Variants in RCHY1 observed in about 807,000 individuals in gnomAD.
RCHY1 encodes the protein RING finger and CHY zinc finger domain-containing protein 1.
A neutral mutation model predicts 41.6 loss-of-function variants in RCHY1; 21 were observed. The observed-to-expected ratio is 0.51, with a 90% confidence interval of 0.36 to 0.73. The LOEUF (loss-of-function observed/expected upper bound fraction) is 0.73, where lower values mean the gene tolerates loss of function less well. RCHY1 is among the 30% of genes least tolerant of loss of function. The pLI is 0.00. For synonymous variants in RCHY1, 79 were observed against 102.9 expected, an observed-to-expected ratio of 0.77 and a Z score of 1.41; for missense variants, 265 against 325.3, an observed-to-expected ratio of 0.81 and a Z score of 1.43.
intron 3 of RCHY1, among the ~76,000 whole-genome samples, chr4:75,497,299 T>G (rs1723304684): frequency 6.6e-6 from 1 of 152,182 alleles, no homozygotes; most frequent in African/African-American, 2.4e-5. Flanking sequence ...TGTACATAGT[T>G]AACTGTAACC....
chr4:75,492,612 A>G (rs143844917), intron 4 of RCHY1, among the ~76,000 whole-genome samples: 2,137 of 152,034 alleles, frequency 0.014, 29 homozygotes, highest in Middle Eastern at 0.031. Flanking sequence ...TGTGCCATGG[A>G]AGACTCCCAG....
intron 1 of RCHY1, among the ~76,000 whole-genome samples, chr4:75,511,315 GC>G (rs1724853841): frequency 6.6e-6 from 1 of 152,098 alleles, no homozygotes; most frequent in Admixed American, 6.6e-5. Flanking sequence ...CCTCACAAAA[GC>G]TAGTAAAAGT....
Position 75,489,668 on chromosome 4 carries a change from C to T in RCHY1, c.657+913G>A, listed in dbSNP as rs550659506. The stretch of plus-strand genomic sequence containing the variant: ...AATAAATAGAATCTCATGTATCTTC[C>T]ACTACCAAACTCTGATATGACTAAA... On this transcript the variant is annotated intron_variant, in intron 8 of 8. Coordinates refer to ENST00000324439, the MANE Select transcript of RCHY1 (RefSeq NM_015436.4). Among the ~76,000 whole-genome samples, 4 of 152,294 alleles carry T rather than the reference C, an allele frequency of 2.6e-5. No homozygotes were observed. The South Asian group carries it at 8.3e-4, about 32-fold the overall frequency.
intron 3 of RCHY1, among the ~76,000 whole-genome samples, chr4:75,506,704 G>T (rs1217314367): frequency 1.3e-5 from 2 of 151,462 alleles, no homozygotes; most frequent in Non-Finnish European, 2.9e-5. Context: ...AGAAGAGGTG[G>T]GAAAACGGTA....
intron 1 of RCHY1, among the ~76,000 whole-genome samples, chr4:75,510,183 T>C (rs1230693810): frequency 6.6e-6 from 1 of 152,146 alleles, no homozygotes; most frequent in Non-Finnish European, 1.5e-5. Flanking sequence ...TGGGCACAAT[T>C]GTTCAGCTAT....
At chr4:75,505,749 T>C (rs1328532379) in intron 3 of RCHY1, among the ~76,000 whole-genome samples, 1 of 152,122 alleles carries the variant, frequency 6.6e-6, no homozygotes, top group Non-Finnish European at 1.5e-5. Flanking sequence ...AAAAACTCAA[T>C]TTAAAGAAAA....
In RCHY1 at chr4:75,514,319, T is replaced by C; in HGVS notation, c.-33A>G. On this transcript the variant is annotated 5_prime_UTR_variant, in exon 1 of 9. Transcript: ENST00000324439. Reference sequence around the variant, plus strand: ...ACCTCCCCTCACATTCCACCGATCCTTCCCCCAGGATAAAAACCACGCCCA... The same window carrying C: ...ACCTCCCCTCACATTCCACCGATCCCTCCCCCAGGATAAAAACCACGCCCA... 1 of 1,597,054 alleles carries C rather than the reference T, an allele frequency of 6.3e-7. No homozygotes were observed. Among genetic ancestry groups the C allele is most frequent in the Non-Finnish European group, 8.6e-7 (1 of 1,167,238 alleles).
chr4:75,509,665 G>C (rs1201262956), intron 1 of RCHY1: 1 of 179,934 alleles, frequency 5.6e-6, no homozygotes. Context: ...GAGGGACTTA[G>C]AAGGAGGTAA....
At chr4:75,500,656 G>C (rs1723662377) in intron 3 of RCHY1, among the ~76,000 whole-genome samples, 1 of 152,180 alleles carries the variant, frequency 6.6e-6, no homozygotes, top group South Asian at 2.1e-4. Context: ...CTCCAGATGA[G>C]AGTCAGATAT....
rs532274054 is a variant in RCHY1 at position 75,514,271 on chromosome 4, G to C, written c.16C>G (p.Arg6Gly). 4 of 1,612,362 alleles carry C rather than the reference G, an allele frequency of 2.5e-6. No individual in the cohort carries two copies. Among genetic ancestry groups the C allele is most frequent in the Non-Finnish European group, 3.4e-6 (4 of 1,178,622 alleles). ...TCTTGACCGCTGGCGCCATCTTCCCGGGCCGTCGCCGCCATCTCCTCCACC... is the reference window on the plus strand; with the variant it reads ...TCTTGACCGCTGGCGCCATCTTCCCCGGCCGTCGCCGCCATCTCCTCCACC... MAATA[R>G]EDGASGQERG... The change falls in exon 1 of 9, where the codon CGG (arginine) becomes GGG (glycine). Residue 6 changes from arginine to glycine, a missense_variant. Physicochemically the swap from Arg to Gly is moderately radical, Grantham distance 125. Coordinates refer to ENST00000324439, the MANE Select transcript of RCHY1 (RefSeq NM_015436.4).
intron 8 of RCHY1, among the ~76,000 whole-genome samples, chr4:75,484,873 C>T (rs960164244): frequency 6.6e-6 from 1 of 150,846 alleles, no homozygotes; most frequent in Non-Finnish European, 1.5e-5. Flanking sequence ...AAAAACCAAA[C>T]CAAAAAAAAA....
intron 1 of RCHY1, among the ~76,000 whole-genome samples, chr4:75,511,690 A>G (rs1229509620): frequency 1.3e-5 from 2 of 152,242 alleles, no homozygotes; most frequent in Middle Eastern, 3.4e-3. Context: ...TTTTAAGTGA[A>G]GCTGGCTTTT....
At chr4:75,492,407 T>A (rs868433109) in intron 4 of RCHY1, among the ~76,000 whole-genome samples, 1 of 151,946 alleles carries the variant, frequency 6.6e-6, no homozygotes, top group South Asian at 2.1e-4. Context: ...CAATCCTAGA[T>A]GAAATAGGCT....
chr4:75,508,979 T>C (rs561699949), intron 2 of RCHY1, 44 bp from the exon 3 acceptor site: 1 of 1,386,744 alleles, frequency 7.2e-7, no homozygotes, highest in African/African-American at 1.4e-5. Flanking sequence ...ACTAAACATT[T>C]TGAGTTACCA....
intron 3 of RCHY1, among the ~76,000 whole-genome samples, chr4:75,501,989 T>C (rs1434364369): frequency 6.6e-6 from 1 of 151,504 alleles, no homozygotes; most frequent in Non-Finnish European, 1.5e-5. Context: ...GAGGCAGGAC[T>C]TGAACCCAGG....
At chr4:75,487,759 T>TATTCATA (rs1722318371) in intron 8 of RCHY1, among the ~76,000 whole-genome samples, 1 of 24,932 alleles carries the variant, frequency 4.0e-5, no homozygotes, top group African/African-American at 2.5e-4. Flanking sequence ...ATATTCATAA[T>TATTCATA]ATATATATTC....
intron 3 of RCHY1, among the ~76,000 whole-genome samples, chr4:75,497,237 T>A (rs578146819): frequency 6.2e-4 from 95 of 152,294 alleles, no homozygotes; most frequent in African/African-American, 2.1e-3. Flanking sequence ...TGTGTTCAGT[T>A]GAGCCTAACG....
At chr4:75,501,934 C>T (rs1723804843) in intron 3 of RCHY1, among the ~76,000 whole-genome samples, 1 of 152,000 alleles carries the variant, frequency 6.6e-6, no homozygotes, top group South Asian at 2.1e-4. Context: ...CAAAATTAGC[C>T]AGGCATGGTG....
At chr4:75,509,024 A>G (rs1229919678) in intron 2 of RCHY1, 89 bp from the exon 3 acceptor site, 5 of 1,151,516 alleles carry the variant, frequency 4.3e-6, no homozygotes, top group Non-Finnish European at 6.2e-6. Context: ...AACTATATGC[A>G]GTTTATTTTT....
Sources: gnomAD v4.1 joint callset for allele counts (sites outside exome capture counted in the v4.1 genomes callset) on GRCh38, gnomAD v4.1.1 for gene constraint, MANE v1.5 for transcripts, NCBI Gene and HGNC (gene_info 2026-07-23, HGNC 2026-07-21) for gene names.